The following AGBL1 variants were observed in gnomAD, a reference collection of about 807,000 sequenced individuals.
AGBL1 encodes AGBL carboxypeptidase 1.
In AGBL1, 130 loss-of-function variants were observed where a neutral mutation model predicts 118.9. The ratio of observed to expected loss-of-function variants is 1.09; its 90% CI spans 0.95 to 1.26. AGBL1 has a LOEUF of 1.26. AGBL1 is among the 50% of genes most tolerant of loss of function. The probability of loss-of-function intolerance (pLI) is 0.00; values close to 1 mark genes in which losing one functional copy is unlikely to be tolerated. For synonymous variants in AGBL1, 555 were observed against 478.9 expected, an observed-to-expected ratio of 1.16 and a Z score of -2.08; for missense variants, 1,584 against 1,298.1, an observed-to-expected ratio of 1.22 and a Z score of -3.38.
intron 18 of AGBL1, among the ~76,000 whole-genome samples, chr15:86,516,001 G>A (rs930773329): frequency 4.6e-5 from 7 of 152,222 alleles, no homozygotes; most frequent in Middle Eastern, 6.8e-3. Flanking sequence ...AACTCAAAGC[G>A]GGGGAGGGAG....
rs145643611 is a variant in AGBL1 at position 86,411,732 on chromosome 15, T to A, written c.2555+14186T>A. Among the ~76,000 whole-genome samples, 481 of 152,276 alleles carry A rather than the reference T, an allele frequency of 3.2e-3. 1 individual carries two copies. Among genetic ancestry groups the A allele is most frequent in the African/African-American group, 0.011 (454 of 41,554 alleles). On this transcript the variant is annotated intron_variant, in intron 18 of 22. Transcript: ENST00000614907. ...AGGAGATAAATAAGAGACATAACTC[T>A]TTTTGGCCATTTTTTTTGTCATTAC...
At chr15:86,967,102 C>T (rs1468881069) in intron 23 of AGBL1, among the ~76,000 whole-genome samples, 1 of 152,058 alleles carries the variant, frequency 6.6e-6, no homozygotes, top group Non-Finnish European at 1.5e-5. Context: ...TTTCATGTGT[C>T]TTTTGGCTGC....
At chr15:86,475,631 C>A (rs567462036) in intron 18 of AGBL1, among the ~76,000 whole-genome samples, 2 of 152,150 alleles carry the variant, frequency 1.3e-5, no homozygotes, top group African/African-American at 4.8e-5. Context: ...GAGAATGGAA[C>A]CAAGTTGGAA....
intron 18 of AGBL1, among the ~76,000 whole-genome samples, chr15:86,445,269 A>T (rs1004982940): frequency 1.3e-5 from 2 of 152,198 alleles, no homozygotes; most frequent in Non-Finnish European, 2.9e-5. Context: ...GAAATCCATA[A>T]AGTGTGTGAA....
chr15:86,520,389 A>C (rs972063971), intron 18 of AGBL1, among the ~76,000 whole-genome samples: 1 of 152,214 alleles, frequency 6.6e-6, no homozygotes, highest in Non-Finnish European at 1.5e-5. Flanking sequence ...ACTCTCAAAG[A>C]GGTCTCAAAT....
At chr15:86,987,686 T>C (rs1160417302) in intron 23 of AGBL1, among the ~76,000 whole-genome samples, 2 of 152,158 alleles carry the variant, frequency 1.3e-5, no homozygotes, top group Admixed American at 1.3e-4. Flanking sequence ...TAATCGTGTT[T>C]CCTTTCCTTT....
At chr15:86,311,415 A>G (rs935899803) in intron 17 of AGBL1, among the ~76,000 whole-genome samples, 9 of 152,166 alleles carry the variant, frequency 5.9e-5, no homozygotes, top group African/African-American at 2.2e-4. Context: ...TCTGTTTGTA[A>G]TTTGAAATAG....
chr15:86,883,107 T>C (rs770739759), intron 22 of AGBL1, among the ~76,000 whole-genome samples: 14 of 152,248 alleles, frequency 9.2e-5, no homozygotes, highest in South Asian at 2.1e-4. Flanking sequence ...TCCTCATTAA[T>C]AGATGTCAAA....
chr15:86,463,676 A>C (rs376346809), intron 18 of AGBL1, among the ~76,000 whole-genome samples: 1 of 152,086 alleles, frequency 6.6e-6, no homozygotes, highest in Non-Finnish European at 1.5e-5. Context: ...AGTTTTCCCA[A>C]CACCATTTAT....
intron 18 of AGBL1, among the ~76,000 whole-genome samples, chr15:86,447,093 A>G (rs963231317): frequency 3.3e-5 from 5 of 152,192 alleles, no homozygotes; most frequent in Non-Finnish European, 7.3e-5. Flanking sequence ...GATTCTGATG[A>G]TCAATGTAGT....
At chr15:86,997,640 T>C (rs8029580) in intron 24 of AGBL1, among the ~76,000 whole-genome samples, 5,504 of 152,192 alleles carry the variant, frequency 0.036, 324 homozygotes, top group African/African-American at 0.12. Context: ...TTATGATTGA[T>C]TGATGTGCTA....
intron 15 of AGBL1, among the ~76,000 whole-genome samples, chr15:86,275,954 C>G (rs1396174497): frequency 6.6e-6 from 1 of 152,084 alleles, no homozygotes; most frequent in Non-Finnish European, 1.5e-5. Context: ...TGGTATCTAC[C>G]TAATAGAAGT....
At chr15:86,659,455 A>T (rs2085507023) in intron 21 of AGBL1, among the ~76,000 whole-genome samples, 1 of 152,126 alleles carries the variant, frequency 6.6e-6, no homozygotes, top group South Asian at 2.1e-4. Context: ...GATCTAATAC[A>T]ACCTCATCTC....
intron 20 of AGBL1, among the ~76,000 whole-genome samples, chr15:86,547,943 C>T (rs1042377434): frequency 5.9e-5 from 9 of 152,104 alleles, no homozygotes; most frequent in Non-Finnish European, 1.2e-4. Context: ...AACAGCTTTG[C>T]TTTTTGGGGT....
intron 17 of AGBL1, among the ~76,000 whole-genome samples, chr15:86,367,251 T>A (rs1163275449): frequency 2.0e-5 from 3 of 152,232 alleles, no homozygotes; most frequent in Admixed American, 6.5e-5. Context: ...GAATTTAGTC[T>A]TTTGCCATGC....
At chr15:86,110,983 T>A (rs1379295231) in intron 1 of AGBL1, among the ~76,000 whole-genome samples, 1 of 149,498 alleles carries the variant, frequency 6.7e-6, no homozygotes, top group Non-Finnish European at 1.5e-5. Flanking sequence ...ATTACTAATG[T>A]GACAGGCCTA....
At chr15:86,415,050 G>T (rs1304940469) in intron 18 of AGBL1, among the ~76,000 whole-genome samples, 1 of 152,172 alleles carries the variant, frequency 6.6e-6, no homozygotes, top group East Asian at 1.9e-4. Flanking sequence ...GAGTACAGTT[G>T]AATTGTGATG....
chr15:86,598,122 T>A (rs1048263542), intron 21 of AGBL1, among the ~76,000 whole-genome samples: 5 of 152,118 alleles, frequency 3.3e-5, no homozygotes, highest in African/African-American at 7.2e-5. Flanking sequence ...GTTTAACCCA[T>A]TCAGAGAAGG....
chr15:86,551,132 A>G lies in AGBL1; in HGVS notation c.2818-3229A>G, dbSNP rs190811938. 7.2e-5 allele frequency among the ~76,000 whole-genome samples: 11 copies of G among 152,222 alleles called. No individual in the cohort carries two copies. In the East Asian group the frequency reaches 2.1e-3, roughly 29 times the overall value. On this transcript the variant is annotated intron_variant, in intron 20 of 22. Transcript: ENST00000614907. ...TTATAATATTTAGAAATGCAGAAAG[A>G]TCTAAAATCAAGAATCTAAGCATCC... is the stretch of plus-strand genomic sequence containing the variant.
Sources: gnomAD v4.1 joint callset for allele counts (sites outside exome capture counted in the v4.1 genomes callset) on GRCh38, gnomAD v4.1.1 for gene constraint, MANE v1.5 for transcripts, NCBI Gene and HGNC (gene_info 2026-07-23, HGNC 2026-07-21) for gene names.